Variants in GJA3 observed in about 807,000 individuals in gnomAD.
GJA3 encodes the protein gap junction protein alpha 3.
For missense variants in GJA3, 571 were observed against 620.3 expected, an observed-to-expected ratio of 0.92 and a Z score of 0.84; for synonymous variants, 297 against 292.6, an observed-to-expected ratio of 1.02 and a Z score of -0.15.
chr13:20,161,553 G>T (rs1036507496), upstream of GJA3, among the ~76,000 whole-genome samples: 6 of 152,140 alleles, frequency 3.9e-5, no homozygotes, highest in African/African-American at 1.4e-4. Flanking sequence ...GGGGACGCGG[G>T]TTCCGGACGG....
At position 20,142,472 on chromosome 13, in the gene GJA3, C is replaced by A. The variant is rs777289972; in HGVS notation, c.817G>T (p.Ala273Ser). Reference protein sequence around the residue: ...AVAIGFPPYYAHTAAPLGQAR... With the variant: ...AVAIGFPPYYSHTAAPLGQAR... ...TGTCCCAGGGGCGCAGCGGTGTGCG[C>A]ATAGTAGGGTGGGAACCCGATGGCA... Residue 273 changes from alanine to serine, a missense_variant, in exon 2 of 2, where the codon GCG becomes TCG. Physicochemically the swap from Ala to Ser is moderately conservative, Grantham distance 99. Coordinates refer to ENST00000241125, the MANE Select transcript of GJA3 (RefSeq NM_021954.4). 6.5e-7 allele frequency: 1 copy of A among 1,544,472 alleles called. No homozygotes were observed. The highest frequency in any genetic ancestry group is 8.7e-7 in the Non-Finnish European group (1 of 1,145,558).
Position 20,141,775 on chromosome 13 carries a change from T to G in GJA3, c.*206A>C. The G allele has an allele frequency of 1.4e-6, 1 of 701,132 alleles. No individual in the cohort carries two copies. The highest frequency in any genetic ancestry group is 2.2e-6 in the Non-Finnish European group (1 of 451,176). The allele number at this position is 701,132 out of a possible 1,614,324, so 43.4% of individuals were successfully genotyped here. A position where few individuals can be genotyped will look rare whatever the true frequency, so the allele number is the denominator to read the frequency against. On this transcript the variant is annotated 3_prime_UTR_variant, in exon 2 of 2. Transcript: ENST00000241125. ...CACCCCCAAACTCAGAAAGTGGGAGTTATCCCCACTGTAACTCACAGTGCT... is the reference window on the plus strand; with the variant it reads ...CACCCCCAAACTCAGAAAGTGGGAGGTATCCCCACTGTAACTCACAGTGCT...
At chr13:20,159,185 T>C (rs4769958) in intron 1 of GJA3, among the ~76,000 whole-genome samples, 41,128 of 151,586 alleles carry the variant, frequency 0.27, 7,026 homozygotes, top group Non-Finnish European at 0.38. Context: ...ACCTATTGTG[T>C]GTGGCACTGT....
chr13:20,140,318 T>G lies in GJA3; in HGVS notation c.*1663A>C, dbSNP rs1205276533. ...ACAAATTCTTTGTGTTTGACTGACA[T>G]GAAAAACTAGTTGCATGCAAGAATC... On this transcript the variant is annotated 3_prime_UTR_variant, in exon 2 of 2. Coordinates refer to ENST00000241125, the MANE Select transcript of GJA3 (RefSeq NM_021954.4). 1 of 152,172 alleles carries G rather than the reference T, an allele frequency of 6.6e-6. No homozygotes were observed. Among genetic ancestry groups the G allele is most frequent in the Non-Finnish European group, 1.5e-5 (1 of 68,036 alleles). 9.4% of individuals were successfully genotyped at this position (152,172 alleles called of 1,614,324 possible).
rs867219784 is a variant in GJA3, at chr13:20,150,379, G to A, written c.-17-7074C>T. Among the ~76,000 whole-genome samples, 55 of 137,490 alleles carry A rather than the reference G, an allele frequency of 4.0e-4. 1 individual carries two copies. Among genetic ancestry groups the A allele is most frequent in the African/African-American group, 1.4e-3 (54 of 38,838 alleles). 90.2% of individuals were successfully genotyped at this position (137,490 alleles called of 152,430 possible). ...CAGGAGACCACTGCTCCTGGTGTGT[G>A]TGTGTGTGTGTGTGTGTGTGTGAAG... On this transcript the variant is annotated intron_variant, in intron 1 of 1. Coordinates refer to ENST00000241125, the MANE Select transcript of GJA3 (RefSeq NM_021954.4).
In GJA3 at chr13:20,138,519, C is replaced by T. The variant is rs1001670181; in HGVS notation, c.*3462G>A. 3.9e-5 allele frequency: 6 copies of T among 152,128 alleles called. No homozygotes were observed. Among genetic ancestry groups the T allele is most frequent in the African/African-American group, 1.4e-4 (6 of 41,438 alleles). 9.4% of individuals were successfully genotyped at this position (152,128 alleles called of 1,614,324 possible). On this transcript the variant is annotated 3_prime_UTR_variant, in exon 2 of 2. Coordinates refer to ENST00000241125, the MANE Select transcript of GJA3 (RefSeq NM_021954.4). ...CGTAAAGGGGAAAAAATATTTTGGG[C>T]AGTCAGAAACCTTAAAGTGAGTCAA...
chr13:20,153,608 G>A lies in GJA3; in HGVS notation c.-18+7282C>T, dbSNP rs576002342. On this transcript the variant is annotated intron_variant, in intron 1 of 1. Transcript: ENST00000241125. ...TGAGAACACTTGGACACAGGGTGGG[G>A]AACATCACACACTGGGGCCTGTTGT... Among the ~76,000 whole-genome samples the A allele has an allele frequency of 2.0e-5, 3 of 152,162 alleles. No homozygotes were observed. In the South Asian group the frequency reaches 6.2e-4, roughly 32 times the overall value.
chr13:20,152,654 A>C (rs1301335597), intron 1 of GJA3, among the ~76,000 whole-genome samples: 1 of 152,206 alleles, frequency 6.6e-6, no homozygotes, highest in Non-Finnish European at 1.5e-5. Flanking sequence ...AAAGTGCTGT[A>C]CAGATGAGAG....
intron 1 of GJA3, among the ~76,000 whole-genome samples, chr13:20,149,373 T>C (rs903443868): frequency 2.0e-5 from 3 of 152,086 alleles, no homozygotes; most frequent in Admixed American, 1.3e-4. Context: ...TAGTACCAGC[T>C]ACGTGGGGGG....
rs1457364417 is a variant in GJA3, at chr13:20,160,878, G to C, written c.-18+12C>G. The C allele has an allele frequency of 6.7e-6, 1 of 149,256 alleles. No homozygotes were observed. The highest frequency in any genetic ancestry group is 1.5e-5 in the Non-Finnish European group (1 of 67,174). 9.2% of individuals were successfully genotyped at this position (149,256 alleles called of 1,614,324 possible). Reference sequence around the variant, plus strand: ...CCTGTGCCTGGCCTCCGGGGCGCCCGGCCCGCCTTACCCCGCTCTGCCGCG... The same window carrying C: ...CCTGTGCCTGGCCTCCGGGGCGCCCCGCCCGCCTTACCCCGCTCTGCCGCG... On this transcript the variant is annotated intron_variant, in intron 1 of 1. Coordinates refer to ENST00000241125, the MANE Select transcript of GJA3 (RefSeq NM_021954.4).
In GJA3 at chr13:20,141,584, C is replaced by T; in HGVS notation, c.*397G>A. The T allele has an allele frequency of 5.7e-6, 1 of 176,730 alleles. No individual in the cohort carries two copies. Among genetic ancestry groups the T allele is most frequent in the Non-Finnish European group, 1.2e-5 (1 of 84,490 alleles). 10.9% of individuals were successfully genotyped at this position (176,730 alleles called of 1,614,324 possible). ...TAAGACCCTCTGGGCCGCCCAGAGG[C>T]TCTGGAGAGCTTAGGAATAGCAAAC... On this transcript the variant is annotated 3_prime_UTR_variant, in exon 2 of 2. Transcript: ENST00000241125.
chr13:20,151,532 C>T (rs984356487), intron 1 of GJA3, among the ~76,000 whole-genome samples: 21 of 152,130 alleles, frequency 1.4e-4, no homozygotes, highest in African/African-American at 4.6e-4. Flanking sequence ...CCCGATACCC[C>T]GGAGAAGTGG....
chr13:20,142,408 G>T lies in GJA3; in HGVS notation c.881C>A (p.Ala294Asp). 6.7e-7 allele frequency: 1 copy of T among 1,501,772 alleles called. No homozygotes were observed. The allele number at this position is 1,501,772 out of a possible 1,614,324, so 93.0% of individuals were successfully genotyped here. A position where few individuals can be genotyped will look rare whatever the true frequency, so the allele number is the denominator to read the frequency against. Residue 294 changes from alanine to aspartate, a missense_variant, in exon 2 of 2, where the codon GCC becomes GAC. Physicochemically the swap from Ala to Asp is moderately radical, Grantham distance 126. Coordinates refer to ENST00000241125, the MANE Select transcript of GJA3 (RefSeq NM_021954.4). Reference sequence around the variant, plus strand: ...CAGGGCTAGCAGTTTGAAGTCCGCGGCTGGTGGCGGGGCCCCGGGGTAGCC... The same window carrying T: ...CAGGGCTAGCAGTTTGAAGTCCGCGTCTGGTGGCGGGGCCCCGGGGTAGCC... ...AVGYPGAPPP[A>D]ADFKLLALTE... is the part of the protein sequence containing the mutation.
chr13:20,143,322 C>T lies in GJA3; in HGVS notation c.-17-17G>A, dbSNP rs1958824222. 1.3e-6 allele frequency: 2 copies of T among 1,488,666 alleles called. No individual in the cohort carries two copies. The highest frequency in any genetic ancestry group is 2.8e-5 in the African/African-American group (2 of 71,374). The allele number at this position is 1,488,666 out of a possible 1,614,324, so 92.2% of individuals were successfully genotyped here. On this transcript the variant is annotated splice_polypyrimidine_tract_variant and intron_variant, in intron 1 of 1. Transcript: ENST00000241125. ...ATTCCTAACCTGTAAGAGGAAAATG[C>T]TCATGAACACCGGGCTGCAACGGCT...
intron 1 of GJA3, among the ~76,000 whole-genome samples, chr13:20,147,035 T>C (rs1958847089): frequency 6.6e-6 from 1 of 152,226 alleles, no homozygotes; most frequent in Non-Finnish European, 1.5e-5. Flanking sequence ...GGCAGTTCTG[T>C]CCAGTGAGTT....
Position 20,138,936 on chromosome 13 carries a change from T to C in GJA3, c.*3045A>G, listed in dbSNP as rs1185050907. ...TAAAGTGATGTTTAAATTATATTCA[T>C]AGTTATTAGTCCAGGTATTCTTGTG... On this transcript the variant is annotated 3_prime_UTR_variant, in exon 2 of 2. Transcript: ENST00000241125. 2 of 152,222 alleles carry C rather than the reference T, an allele frequency of 1.3e-5. No individual in the cohort carries two copies. Among genetic ancestry groups the C allele is most frequent in the Admixed American group, 1.3e-4 (2 of 15,288 alleles). 9.4% of individuals were successfully genotyped at this position (152,222 alleles called of 1,614,324 possible). A position where few individuals can be genotyped will look rare whatever the true frequency, so the allele number is the denominator to read the frequency against.
At chr13:20,161,244 C>T (rs985402485), upstream of GJA3, among the ~76,000 whole-genome samples, 1 of 152,180 alleles carries the variant, frequency 6.6e-6, no homozygotes, top group African/African-American at 2.4e-5. Flanking sequence ...CCATGCCTAG[C>T]GCCTGCATCC....
intron 1 of GJA3, among the ~76,000 whole-genome samples, chr13:20,147,876 G>A (rs1333124629): frequency 6.6e-6 from 1 of 151,830 alleles, no homozygotes; most frequent in Non-Finnish European, 1.5e-5. Context: ...AATGACTGTG[G>A]GATCACCGAG....
intron 1 of GJA3, among the ~76,000 whole-genome samples, chr13:20,149,478 C>G (rs1195898882): frequency 6.6e-6 from 1 of 151,976 alleles, no homozygotes; most frequent in Non-Finnish European, 1.5e-5. Flanking sequence ...GAGCAGGACC[C>G]TGTCTCTTAA....
Sources: gnomAD v4.1 joint callset for allele counts (sites outside exome capture counted in the v4.1 genomes callset) on GRCh38, gnomAD v4.1.1 for gene constraint, MANE v1.5 for transcripts, NCBI Gene and HGNC (gene_info 2026-07-23, HGNC 2026-07-21) for gene names.